The following PRKD1 variants were observed in gnomAD, a reference collection of about 807,000 sequenced individuals.
The protein encoded by PRKD1 is serine/threonine-protein kinase D1.
Under a neutral mutation model 95.9 loss-of-function variants are expected in PRKD1, and 63 were observed. The ratio of observed to expected loss-of-function variants is 0.66; its 90% CI spans 0.54 to 0.81. The LOEUF (loss-of-function observed/expected upper bound fraction) is 0.81. Among genes scored for constraint, PRKD1 ranks in the 30% least tolerant of loss-of-function variants. The pLI is 0.00. For synonymous variants in PRKD1, 425 were observed against 423.1 expected (o/e 1.00, Z -0.05); for missense variants, 1,048 against 1,165.3 (o/e 0.90, Z 1.47).
intron 1 of PRKD1, among the ~76,000 whole-genome samples, chr14:29,831,449 GTTTT>G (rs71108500): frequency 1.6e-5 from 2 of 128,552 alleles, no homozygotes. Flanking sequence ...AGAATGTTTG[GTTTT>G]TTTTTTTTTT....
chr14:29,726,736 T>C (rs1174463117), intron 1 of PRKD1, among the ~76,000 whole-genome samples: 2 of 151,890 alleles, frequency 1.3e-5, no homozygotes, highest in African/African-American at 4.8e-5. Flanking sequence ...TTAGTGCTGA[T>C]GACCAGGCTT....
intron 1 of PRKD1, among the ~76,000 whole-genome samples, chr14:29,832,932 C>G (rs1020993622): frequency 6.6e-6 from 1 of 151,928 alleles, no homozygotes; most frequent in Non-Finnish European, 1.5e-5. Flanking sequence ...TTTGTATATG[C>G]AGCCTTCTTT....
chr14:29,580,565 G>A (rs1162409664), intron 16 of PRKD1, among the ~76,000 whole-genome samples: 1 of 152,046 alleles, frequency 6.6e-6, no homozygotes, highest in African/African-American at 2.4e-5. Context: ...TTGGGACCAC[G>A]GTATTAGTGA....
At chr14:29,645,763 T>C (rs1881083713) in intron 4 of PRKD1, among the ~76,000 whole-genome samples, 2 of 152,128 alleles carry the variant, frequency 1.3e-5, no homozygotes, top group Admixed American at 1.3e-4. Context: ...ACTCTTTCCC[T>C]TTCTTCATAG....
At chr14:29,840,186 G>A (rs910054736) in intron 1 of PRKD1, among the ~76,000 whole-genome samples, 6 of 151,984 alleles carry the variant, frequency 3.9e-5, no homozygotes, top group African/African-American at 7.2e-5. Context: ...TCAATGCTTC[G>A]ATGCTTGGAA....
intron 4 of PRKD1, among the ~76,000 whole-genome samples, chr14:29,656,164 A>G (rs943787278): frequency 2.0e-5 from 3 of 152,186 alleles, no homozygotes; most frequent in African/African-American, 7.2e-5. Flanking sequence ...TCATTAAAAA[A>G]CAAAACAAAA....
chr14:29,793,043 G>GA lies in PRKD1; in HGVS notation c.265-67370dup, dbSNP rs45462797. Reference sequence around the variant, plus strand: ...TGGAAAAAACTTCACACTCTATCATGAAAAAATGACAATCTGCAGATTATT... The same window carrying GA: ...TGGAAAAAACTTCACACTCTATCATGAAAAAAATGACAATCTGCAGATTATT... On this transcript the variant is annotated intron_variant, in intron 1 of 17. Coordinates refer to ENST00000331968, the MANE Select transcript of PRKD1 (RefSeq NM_002742.3). Among the ~76,000 whole-genome samples, 1,050 of 152,018 alleles carry GA rather than the reference G, an allele frequency of 6.9e-3. 12 individuals are homozygous for GA. The highest frequency in any genetic ancestry group is 0.024 in the African/African-American group (986 of 41,528).
intron 4 of PRKD1, among the ~76,000 whole-genome samples, chr14:29,647,710 C>A (rs144155155): frequency 2.0e-5 from 3 of 152,270 alleles, no homozygotes; most frequent in African/African-American, 7.2e-5. Context: ...AAGGTGAGAG[C>A]CTCTCCCTTC....
intron 2 of PRKD1, among the ~76,000 whole-genome samples, chr14:29,704,002 A>C (rs547948978): frequency 6.6e-6 from 1 of 152,322 alleles, no homozygotes; most frequent in South Asian, 2.1e-4. Context: ...ACATTTAGGA[A>C]AACACAGATC....
At chr14:29,878,347 A>C (rs1293919513) in intron 1 of PRKD1, among the ~76,000 whole-genome samples, 9 of 148,456 alleles carry the variant, frequency 6.1e-5, no homozygotes, top group African/African-American at 2.3e-4. Context: ...ATGACAAAAA[A>C]AAAAAAAAAA....
chr14:29,742,938 G>T (rs1034400129), intron 1 of PRKD1, among the ~76,000 whole-genome samples: 6 of 152,112 alleles, frequency 3.9e-5, no homozygotes, highest in Non-Finnish European at 7.3e-5. Context: ...CCCCATGAAG[G>T]TCTGAGATAT....
chr14:29,689,720 C>T (rs1225377764), intron 2 of PRKD1, among the ~76,000 whole-genome samples: 1 of 152,128 alleles, frequency 6.6e-6, no homozygotes, highest in Admixed American at 6.5e-5. Flanking sequence ...ATGGAATCAA[C>T]ACAAATGCTC....
chr14:29,664,969 C>T (rs1882402127), intron 3 of PRKD1, among the ~76,000 whole-genome samples: 1 of 152,124 alleles, frequency 6.6e-6, no homozygotes, highest in South Asian at 2.1e-4. Flanking sequence ...ATTTACTAGG[C>T]AAATTTTATT....
At chr14:29,787,120 C>T (rs1365734914) in intron 1 of PRKD1, among the ~76,000 whole-genome samples, 4 of 151,422 alleles carry the variant, frequency 2.6e-5, no homozygotes, top group African/African-American at 4.8e-5. Context: ...ATTTAATTCC[C>T]ATGTATTTGT....
intron 1 of PRKD1, among the ~76,000 whole-genome samples, chr14:29,829,361 A>T (rs976383674): frequency 1.3e-5 from 2 of 152,254 alleles, no homozygotes; most frequent in Non-Finnish European, 2.9e-5. Flanking sequence ...AATTAAAAGA[A>T]ATAAAATCCA....
At position 29,731,370 on chromosome 14, in the gene PRKD1, T is replaced by C. The variant is rs543364075; in HGVS notation, c.265-5696A>G. Among the ~76,000 whole-genome samples, 5 of 152,312 alleles carry C rather than the reference T, an allele frequency of 3.3e-5. No homozygotes were observed. The South Asian group carries it at 1.0e-3, about 32-fold the overall frequency. ...CGTTTTATGGCCCAGGAGGTCAAAC[T>C]TGGTGAATATTCTATGTGCATCTGA... On this transcript the variant is annotated intron_variant, in intron 1 of 17. Transcript: ENST00000331968.
At chr14:29,839,921 T>G (rs1356347326) in intron 1 of PRKD1, among the ~76,000 whole-genome samples, 2 of 152,038 alleles carry the variant, frequency 1.3e-5, no homozygotes, top group Non-Finnish European at 2.9e-5. Flanking sequence ...AAACCATTTT[T>G]TCCTCCTGGG....
chr14:29,722,935 A>T (rs2139387210), intron 2 of PRKD1, among the ~76,000 whole-genome samples: 1 of 152,274 alleles, frequency 6.6e-6, no homozygotes, highest in Non-Finnish European at 1.5e-5. Flanking sequence ...ATTAAAATAC[A>T]GTGAAAAAGT....
chr14:29,763,839 C>T (rs563610688), intron 1 of PRKD1, among the ~76,000 whole-genome samples: 101 of 152,224 alleles, frequency 6.6e-4, no homozygotes, highest in African/African-American at 2.1e-3. Flanking sequence ...CAGAACTAGC[C>T]GCAGCAGCTC....
Sources: gnomAD v4.1 joint callset for allele counts (sites outside exome capture counted in the v4.1 genomes callset) on GRCh38, gnomAD v4.1.1 for gene constraint, MANE v1.5 for transcripts, NCBI Gene and HGNC (gene_info 2026-07-23, HGNC 2026-07-21) for gene names.